Variants in CFAP77 observed in about 807,000 individuals in gnomAD.
CFAP77 encodes the protein cilia and flagella associated protein 77.
In CFAP77, 25 loss-of-function variants were observed where a neutral mutation model predicts 31.1. The ratio of observed to expected loss-of-function variants is 0.80; its 90% CI spans 0.59 to 1.12. The LOEUF (loss-of-function observed/expected upper bound fraction) is 1.12. Ranked by LOEUF, CFAP77 falls within the 50% of genes most tolerant of loss-of-function variation. The pLI, the probability that CFAP77 is intolerant of heterozygous loss-of-function variation, is 0.00. For synonymous variants in CFAP77, 151 were observed against 159.9 expected, an observed-to-expected ratio of 0.94 and a Z score of 0.42; for missense variants, 377 against 397.3, an observed-to-expected ratio of 0.95 and a Z score of 0.44.
At chr9:132,447,541 G>C (rs1391141153) in intron 1 of CFAP77, among the ~76,000 whole-genome samples, 6 of 152,196 alleles carry the variant, frequency 3.9e-5, no homozygotes, top group African/African-American at 1.4e-4. Flanking sequence ...GGAGCGCGTG[G>C]CCTTTTCTTG....
At chr9:132,476,348 G>A (rs1189885779) in intron 1 of CFAP77, among the ~76,000 whole-genome samples, 1 of 152,092 alleles carries the variant, frequency 6.6e-6, no homozygotes, top group East Asian at 1.9e-4. Context: ...TCCTCTTGTG[G>A]GGCTGGATGG....
intron 3 of CFAP77, among the ~76,000 whole-genome samples, chr9:132,529,797 G>A (rs1852406211): frequency 1.3e-5 from 2 of 150,450 alleles, no homozygotes; most frequent in Admixed American, 1.3e-4. Context: ...CTGCACTCCA[G>A]CCTGGCAACA....
chr9:132,459,445 G>GTGTGTGTGTAT (rs1246059444), intron 1 of CFAP77, among the ~76,000 whole-genome samples: 1 of 151,666 alleles, frequency 6.6e-6, no homozygotes, highest in Non-Finnish European at 1.5e-5. Context: ...GTGTGTGTGT[G>GTGTGTGTGTAT]TGTGTGTGTA....
chr9:132,477,561 C>T (rs1273624615), intron 1 of CFAP77, among the ~76,000 whole-genome samples: 3 of 152,196 alleles, frequency 2.0e-5, no homozygotes, highest in Non-Finnish European at 4.4e-5. Flanking sequence ...AGGGGTCAAG[C>T]GCCTAGCCTT....
In CFAP77 at chr9:132,513,147, G is replaced by A. The variant is rs867438208; in HGVS notation, c.524+13547G>A. 61 of 1,176,822 alleles carry A rather than the reference G, an allele frequency of 5.2e-5. 1 individual carries two copies. The Middle Eastern group carries it at 1.2e-3, about 23-fold the overall frequency. 72.9% of individuals were successfully genotyped at this position (1,176,822 alleles called of 1,614,324 possible). ...GAGAATGGGGTCTCCAGCTCCTCAA[G>A]CACACAATCCAATTCTACTCTTAGT... On this transcript the variant is annotated intron_variant, in intron 3 of 5. Transcript: ENST00000393216.
intron 5 of CFAP77, among the ~76,000 whole-genome samples, chr9:132,563,362 G>C (rs995946409): frequency 6.6e-6 from 1 of 152,210 alleles, no homozygotes; most frequent in African/African-American, 2.4e-5. Context: ...CGAAGTTTCA[G>C]ATTTTATTTA....
At chr9:132,538,164 CATTAT>C (rs1281531202) in intron 4 of CFAP77, among the ~76,000 whole-genome samples, 2 of 152,212 alleles carry the variant, frequency 1.3e-5, no homozygotes, top group Admixed American at 1.3e-4. Flanking sequence ...TTAAAGAACA[CATTAT>C]ATTAAACTTT....
intron 3 of CFAP77, among the ~76,000 whole-genome samples, chr9:132,502,279 GGGGA>G (rs1348525199): frequency 1.2e-4 from 14 of 116,394 alleles, no homozygotes; most frequent in East Asian, 2.3e-4. Context: ...TTTTTTTTTG[GGGGA>G]GGGGGGTGGT....
At chr9:132,411,648 G>A (rs1336580493) in intron 1 of CFAP77, among the ~76,000 whole-genome samples, 1 of 152,158 alleles carries the variant, frequency 6.6e-6, no homozygotes, top group Non-Finnish European at 1.5e-5. Flanking sequence ...ACTCTGAGTG[G>A]ACAGGCAGGA....
chr9:132,485,543 C>T (rs1851526316), intron 1 of CFAP77, among the ~76,000 whole-genome samples: 1 of 152,162 alleles, frequency 6.6e-6, no homozygotes, highest in Non-Finnish European at 1.5e-5. Context: ...ATCTCTGCTC[C>T]TAATTATGCC....
At position 132,481,333 on chromosome 9, in the gene CFAP77, T is replaced by C. The variant is rs118007597; in HGVS notation, c.196-17362T>C. ...GGACAGTCTCACAGACATCCCTCCT[T>C]GGGGACTTCCCCTCTCCTGAAACCC... On this transcript the variant is annotated intron_variant, in intron 1 of 5. Coordinates refer to ENST00000393216, the MANE Select transcript of CFAP77 (RefSeq NM_001282957.2). The surrounding 1 kb of genome is among the most constrained non-coding windows in gnomAD (Gnocchi z 5.0). Among the ~76,000 whole-genome samples, 2 of 152,288 alleles carry C rather than the reference T, an allele frequency of 1.3e-5. No individual in the cohort carries two copies. Among genetic ancestry groups the C allele is most frequent in the East Asian group, 1.9e-4 (1 of 5,182 alleles).
chr9:132,482,828 G>A (rs1163368350), intron 1 of CFAP77, among the ~76,000 whole-genome samples: 10 of 147,258 alleles, frequency 6.8e-5, no homozygotes, highest in South Asian at 2.2e-4. Context: ...GGGAGGGATA[G>A]CATTAGGAGA....
chr9:132,512,728 C>T (rs1411400050), intron 3 of CFAP77, among the ~76,000 whole-genome samples: 1 of 152,164 alleles, frequency 6.6e-6, no homozygotes, highest in Non-Finnish European at 1.5e-5. Context: ...GGGCAGATCA[C>T]CTAAGGTCAG....
rs1852571215 is a variant in CFAP77 at position 132,537,714 on chromosome 9, C to T, written c.630+8C>T. ...CTGGAGAAGAAGCAGAAGGTAAATG[C>T]AGCCCTCGCTCCCAAGTTGACAGCT... On this transcript the variant is annotated splice_region_variant and intron_variant, in intron 4 of 5. Coordinates refer to ENST00000393216, the MANE Select transcript of CFAP77 (RefSeq NM_001282957.2). 1.9e-6 allele frequency: 3 copies of T among 1,606,254 alleles called. No individual in the cohort carries two copies. Among genetic ancestry groups the T allele is most frequent in the East Asian group, 4.5e-5 (2 of 44,820 alleles).
At chr9:132,465,073 C>CAAAAAAAAAA (rs773917029) in intron 1 of CFAP77, among the ~76,000 whole-genome samples, 6 of 82,830 alleles carry the variant, frequency 7.2e-5, no homozygotes, top group African/African-American at 1.6e-4. Flanking sequence ...GACTCTGTCT[C>CAAAAAAAAAA]AAAAAAAAAA....
At chr9:132,438,541 A>ATATATTTT in intron 1 of CFAP77, among the ~76,000 whole-genome samples, 1 of 108,128 alleles carries the variant, frequency 9.2e-6, no homozygotes, top group African/African-American at 4.1e-5. Flanking sequence ...ATATATATAT[A>ATATATTTT]TTTTTTTTTT....
At chr9:132,471,384 C>A (rs1237751623) in intron 1 of CFAP77, among the ~76,000 whole-genome samples, 2 of 152,114 alleles carry the variant, frequency 1.3e-5, no homozygotes, top group Non-Finnish European at 2.9e-5. Flanking sequence ...CCCTGCCTGC[C>A]CACAACTCTC....
At chr9:132,451,032 G>A (rs556805659) in intron 1 of CFAP77, among the ~76,000 whole-genome samples, 2 of 152,282 alleles carry the variant, frequency 1.3e-5, no homozygotes, top group Admixed American at 1.3e-4. Flanking sequence ...ATGGAAGCAG[G>A]TCTGTGGAAA....
chr9:132,412,069 C>A (rs1405554015), intron 1 of CFAP77, among the ~76,000 whole-genome samples: 1 of 152,156 alleles, frequency 6.6e-6, no homozygotes, highest in Non-Finnish European at 1.5e-5. Context: ...CCAGCTATAT[C>A]GAGGACAACA....
Sources: allele counts gnomAD v4.1 joint callset (sites outside exome capture counted in the v4.1 genomes callset), GRCh38; gene constraint gnomAD v4.1.1; non-coding constraint Gnocchi (gnomAD v3.1); transcripts MANE v1.5; gene names NCBI Gene and HGNC (gene_info 2026-07-23, HGNC 2026-07-21).